The following ADAM9 variants were observed in gnomAD, a reference collection of about 807,000 sequenced individuals.
ADAM9 encodes the protein ADAM metallopeptidase domain 9, also known as disintegrin and metalloproteinase domain-containing protein 9.
ADAM9 carries 54 observed loss-of-function variants against 108.1 expected under a neutral mutation model. That is an observed-to-expected ratio of 0.50 (90% CI 0.40 to 0.63). The LOEUF (loss-of-function observed/expected upper bound fraction) is 0.63. ADAM9 is among the 20% of genes least tolerant of loss of function. The pLI is 0.00. For synonymous variants in ADAM9, 316 were observed against 336.0 expected, an observed-to-expected ratio of 0.94 and a Z score of 0.65; for missense variants, 830 against 997.7, an observed-to-expected ratio of 0.83 and a Z score of 2.26.
intron 15 of ADAM9, chr8:39,076,006 C>A (rs1319315284): frequency 1.3e-5 from 2 of 152,100 alleles, no homozygotes; most frequent in East Asian, 3.9e-4. Flanking sequence ...AATAGCAGCA[C>A]AACAAAAATT....
At chr8:39,002,498 T>G (rs1158863907) in intron 1 of ADAM9, among the ~76,000 whole-genome samples, 1 of 151,660 alleles carries the variant, frequency 6.6e-6, no homozygotes, top group East Asian at 1.9e-4. Context: ...TTTGTATTTT[T>G]TTTTAGTAAA....
intron 16 of ADAM9, among the ~76,000 whole-genome samples, chr8:39,079,445 T>C (rs1838950986): frequency 6.6e-6 from 1 of 152,142 alleles, no homozygotes; most frequent in Admixed American, 6.6e-5. Context: ...CATGTATTTT[T>C]TTCTGAGAAG....
chr8:39,070,530 T>C (rs1306527128), intron 14 of ADAM9, among the ~76,000 whole-genome samples: 2 of 152,160 alleles, frequency 1.3e-5, no homozygotes, highest in Non-Finnish European at 2.9e-5. Flanking sequence ...ACAAAACATA[T>C]TTTTATTATT....
chr8:39,045,138 A>ATGTGTG (rs1292703896), intron 12 of ADAM9, among the ~76,000 whole-genome samples: 1 of 105,914 alleles, frequency 9.4e-6, no homozygotes, highest in African/African-American at 3.3e-5. Context: ...ATACATACAT[A>ATGTGTG]TATGTGTATA....
chr8:39,040,151 G>A (rs1488183283), intron 11 of ADAM9, among the ~76,000 whole-genome samples: 1 of 152,152 alleles, frequency 6.6e-6, no homozygotes, highest in Non-Finnish European at 1.5e-5. Flanking sequence ...CCAGGTTCAA[G>A]CGATTCTCCT....
chr8:39,103,852 CT>C lies in ADAM9; in HGVS notation c.*153del. 1 of 761,610 alleles carries C rather than the reference CT, an allele frequency of 1.3e-6. No homozygotes were observed. Among genetic ancestry groups the C allele is most frequent in the South Asian group, 1.5e-5 (1 of 68,338 alleles). The allele number at this position is 761,610 out of a possible 1,614,324, so 47.2% of individuals were successfully genotyped here. A position where few individuals can be genotyped will look rare whatever the true frequency, so the allele number is the denominator to read the frequency against. On this transcript the variant is annotated 3_prime_UTR_variant, in exon 22 of 22. Coordinates refer to ENST00000487273, the MANE Select transcript of ADAM9 (RefSeq NM_003816.3). ...CTTCACTAACACAGAAAAACAGAAA[CT>C]GAGTGTGAGAGTTGTGAAATACAAG...
chr8:39,008,027 C>A (rs1328351629), intron 2 of ADAM9, 44 bp downstream of exon 2: 3 of 1,450,604 alleles, frequency 2.1e-6, no homozygotes, highest in African/African-American at 1.4e-5. Flanking sequence ...TAATTTTTTT[C>A]TTTTCTGTTT....
chr8:39,033,224 A>G (rs1837154278), intron 11 of ADAM9, among the ~76,000 whole-genome samples: 2 of 152,108 alleles, frequency 1.3e-5, no homozygotes, highest in African/African-American at 4.8e-5. Context: ...CTACTTGTTC[A>G]TTGCTGGCAT....
intron 1 of ADAM9, among the ~76,000 whole-genome samples, chr8:39,001,292 G>A (rs1260522748): frequency 6.6e-6 from 1 of 152,218 alleles, no homozygotes; most frequent in Non-Finnish European, 1.5e-5. Context: ...ATCATAAAAA[G>A]TAAGGTTCAC....
At chr8:39,035,201 A>G (rs1413766403) in intron 11 of ADAM9, among the ~76,000 whole-genome samples, 1 of 151,972 alleles carries the variant, frequency 6.6e-6, no homozygotes, top group Admixed American at 6.6e-5. Flanking sequence ...TTCTGTCTTC[A>G]TATGTATTTT....
At position 39,016,536 on chromosome 8, in the gene ADAM9, CTG is replaced by C. The variant is rs1564242404; in HGVS notation, c.410+345_410+346del. 2.0e-5 allele frequency among the ~76,000 whole-genome samples: 3 copies of C among 152,004 alleles called. 1 individual carries two copies. Among genetic ancestry groups the C allele is most frequent in the South Asian group, 4.1e-4 (2 of 4,820 alleles). On this transcript the variant is annotated intron_variant, in intron 5 of 21. Coordinates refer to ENST00000487273, the MANE Select transcript of ADAM9 (RefSeq NM_003816.3). ...GACTTGTATTTAAGTCTTATTATGACTGTGAATAAGAGCTCATTATCTCTGTA... is the reference window on the plus strand; with the variant it reads ...GACTTGTATTTAAGTCTTATTATGACTGAATAAGAGCTCATTATCTCTGTA...
chr8:39,018,961 A>G (rs1457954080), intron 7 of ADAM9, 43 bp downstream of exon 7: 2 of 1,527,430 alleles, frequency 1.3e-6, no homozygotes, highest in Admixed American at 1.7e-5. Context: ...TGAAAAGGAT[A>G]TGAGAAGTGA....
Position 39,091,197 on chromosome 8 carries a change from G to A in ADAM9, c.2211-62G>A. 4.1e-6 allele frequency: 6 copies of A among 1,472,000 alleles called. No individual in the cohort carries two copies. In the South Asian group the frequency reaches 5.7e-5, roughly 14 times the overall value. 91.2% of individuals were successfully genotyped at this position (1,472,000 alleles called of 1,614,324 possible). A position where few individuals can be genotyped will look rare whatever the true frequency, so the allele number is the denominator to read the frequency against. On this transcript the variant is annotated intron_variant, in intron 19 of 21. Coordinates refer to ENST00000487273, the MANE Select transcript of ADAM9 (RefSeq NM_003816.3). ...GTATTTGGGAAAATGCAAAATGTGT[G>A]TAATATTTCATGTAGAAATGTTTTT...
At chr8:39,048,086 A>G (rs1337422246) in intron 12 of ADAM9, among the ~76,000 whole-genome samples, 2 of 151,774 alleles carry the variant, frequency 1.3e-5, no homozygotes, top group Admixed American at 6.6e-5. Context: ...ATGCCTAGCT[A>G]ATTTTTGTAT....
chr8:39,073,243 A>G (rs938457881), intron 15 of ADAM9, among the ~76,000 whole-genome samples: 4 of 152,138 alleles, frequency 2.6e-5, no homozygotes, highest in Admixed American at 2.6e-4. Flanking sequence ...TGTTCCTTCA[A>G]TTTCTGAGAG....
chr8:39,066,266 C>T (rs1166731486), intron 14 of ADAM9, among the ~76,000 whole-genome samples: 2 of 152,156 alleles, frequency 1.3e-5, no homozygotes, highest in Non-Finnish European at 2.9e-5. Flanking sequence ...GGTATATACC[C>T]AGTAATGGGA....
chr8:39,076,431 G>A (rs963507034), intron 15 of ADAM9, among the ~76,000 whole-genome samples: 1 of 152,198 alleles, frequency 6.6e-6, no homozygotes, highest in Non-Finnish European at 1.5e-5. Context: ...AAAGAAGAAC[G>A]TGATGGGAGC....
chr8:39,035,903 C>T (rs1837257662), intron 11 of ADAM9, among the ~76,000 whole-genome samples: 1 of 152,032 alleles, frequency 6.6e-6, no homozygotes, highest in African/African-American at 2.4e-5. Context: ...ATTTTTTTCT[C>T]TTATTTTTCC....
intron 5 of ADAM9, 183 bp from the exon 6 acceptor site, chr8:39,017,036 A>G: frequency 1.6e-6 from 1 of 632,848 alleles, no homozygotes; most frequent in Admixed American, 2.9e-5. Context: ...CTAAGTAGCT[A>G]TTTGAGCTTT....
Sources: gnomAD v4.1 joint callset for allele counts (sites outside exome capture counted in the v4.1 genomes callset) on GRCh38, gnomAD v4.1.1 for gene constraint, MANE v1.5 for transcripts, NCBI Gene and HGNC (gene_info 2026-07-23, HGNC 2026-07-21) for gene names.